HORMAD2: variants seen among roughly 807,000 people sequenced by gnomAD.
The protein encoded by HORMAD2 is HORMA domain-containing protein 2.
HORMAD2 carries 45 observed loss-of-function variants against 38.8 expected under a neutral mutation model. The ratio of observed to expected loss-of-function variants is 1.16; its 90% CI spans 0.91 to 1.49. The LOEUF is 1.49. Among genes scored for constraint, HORMAD2 ranks in the 40% most tolerant of loss-of-function variants. The pLI is 0.00. For missense variants in HORMAD2, 338 were observed against 367.0 expected (o/e 0.92, Z 0.65); for synonymous variants, 126 against 122.8 (o/e 1.03, Z -0.17).
chr22:30,118,263 G>T (rs915492065), intron 7 of HORMAD2, among the ~76,000 whole-genome samples: 5 of 151,954 alleles, frequency 3.3e-5, no homozygotes, highest in African/African-American at 1.2e-4. Context: ...TCCAGCCACT[G>T]GGCCTCCTCT....
At chr22:30,078,868 A>C (rs1363570333), upstream of HORMAD2, among the ~76,000 whole-genome samples, 1 of 152,036 alleles carries the variant, frequency 6.6e-6, no homozygotes, top group Non-Finnish European at 1.5e-5. Context: ...TGGTGCAGAC[A>C]AACCATCTGT....
intron 10 of HORMAD2, among the ~76,000 whole-genome samples, chr22:30,130,244 TATAAC>T (rs1172883060): frequency 6.6e-6 from 1 of 152,130 alleles, no homozygotes; most frequent in Admixed American, 6.5e-5. Flanking sequence ...GAAAGGCAAA[TATAAC>T]AGAGTTTCTA....
At chr22:30,180,929 CTCCT>C (rs1926681041), downstream of HORMAD2, among the ~76,000 whole-genome samples, 1 of 21,866 alleles carries the variant, frequency 4.6e-5, no homozygotes, top group Non-Finnish European at 1.3e-4. Flanking sequence ...TCCCTCTCCT[CTCCT>C]CTCCTCTCCT....
the HORMAD2 span, among the ~76,000 whole-genome samples, chr22:30,187,528 T>C: frequency 3.9e-5 from 6 of 152,042 alleles, no homozygotes; most frequent in African/African-American, 9.7e-5. Flanking sequence ...TGTGTGTGTG[T>C]GTGTGTATTT....
chr22:30,123,700 G>A (rs1922623255), intron 10 of HORMAD2, among the ~76,000 whole-genome samples: 3 of 151,246 alleles, frequency 2.0e-5, no homozygotes, highest in Admixed American at 1.3e-4. Flanking sequence ...GTCTTGCTCT[G>A]TTGTCCAGGC....
At chr22:30,140,813 C>A (rs1043996619) in intron 10 of HORMAD2, among the ~76,000 whole-genome samples, 3 of 152,116 alleles carry the variant, frequency 2.0e-5, no homozygotes, top group African/African-American at 7.2e-5. Context: ...CCTTCCTGTG[C>A]TTGCTTTAGG....
At chr22:30,146,306 C>T (rs1174942026) in intron 10 of HORMAD2, among the ~76,000 whole-genome samples, 2 of 152,020 alleles carry the variant, frequency 1.3e-5, no homozygotes, top group Non-Finnish European at 2.9e-5. Context: ...TCCTGTCCAA[C>T]ATGGTGAAAC....
chr22:30,185,622 A>G, the HORMAD2 span, among the ~76,000 whole-genome samples: 1 of 152,244 alleles, frequency 6.6e-6, no homozygotes, highest in African/African-American at 2.4e-5. Flanking sequence ...GCTAAAAGTC[A>G]TTAGTCTAAC....
At chr22:30,135,320 C>A (rs1208963963) in intron 10 of HORMAD2, among the ~76,000 whole-genome samples, 2 of 151,758 alleles carry the variant, frequency 1.3e-5, no homozygotes, top group African/African-American at 4.8e-5. Flanking sequence ...GGATCCTTGA[C>A]AGAAGAAAAG....
chr22:30,111,224 G>T (rs1601528886), intron 5 of HORMAD2, among the ~76,000 whole-genome samples: 1 of 151,846 alleles, frequency 6.6e-6, no homozygotes, highest in East Asian at 1.9e-4. Flanking sequence ...AGTGGCTCAT[G>T]CCTGTAATTC....
downstream of HORMAD2, among the ~76,000 whole-genome samples, chr22:30,177,303 C>T (rs765525841): frequency 2.4e-4 from 37 of 152,176 alleles, no homozygotes; most frequent in South Asian, 1.4e-3. Context: ...GAACCAATGA[C>T]CTCTGACCCA....
At chr22:30,088,298 CACATATAT>C (rs2068622689) in intron 1 of HORMAD2, among the ~76,000 whole-genome samples, 1 of 150,470 alleles carries the variant, frequency 6.6e-6, no homozygotes, top group Non-Finnish European at 1.5e-5. Context: ...CATATATATA[CACATATAT>C]ACATATATGT....
At position 30,121,661 on chromosome 22, in the gene HORMAD2, G is replaced by T; in HGVS notation, c.440G>T (p.Gly147Val). The T allele has an allele frequency of 6.2e-7, 1 of 1,601,176 alleles. No individual in the cohort carries two copies. Among genetic ancestry groups the T allele is most frequent in the South Asian group, 1.1e-5 (1 of 88,850 alleles). The change falls in exon 9 of 11, where the codon GGA becomes GTA. Residue 147 changes from glycine (G) to valine (V), a missense_variant. Physicochemically the swap from Gly to Val is moderately radical, Grantham distance 109. Coordinates refer to ENST00000336726, the MANE Select transcript of HORMAD2 (RefSeq NM_152510.4). ...SHSSSTSFESGTNNEDIKKAS... is the reference protein window; with the variant it reads ...SHSSSTSFESVTNNEDIKKAS... The stretch of plus-strand genomic sequence containing the variant: ...AGCAGCAGTACAAGCTTTGAAAGTG[G>T]AACAAACAATGAAGATATTAAGAAA...
At chr22:30,161,476 C>A (rs1925438439) in intron 10 of HORMAD2, among the ~76,000 whole-genome samples, 1 of 152,146 alleles carries the variant, frequency 6.6e-6, no homozygotes, top group African/African-American at 2.4e-5. Context: ...CATGTCATTG[C>A]CTGTAAATTT....
At chr22:30,085,566 C>A (rs1045062378) in intron 1 of HORMAD2, among the ~76,000 whole-genome samples, 2 of 152,094 alleles carry the variant, frequency 1.3e-5, no homozygotes, top group African/African-American at 4.8e-5. Context: ...CCAGCCTGGC[C>A]AACATGGCTA....
chr22:30,094,438 G>A (rs1232014144), intron 2 of HORMAD2, among the ~76,000 whole-genome samples: 1 of 152,130 alleles, frequency 6.6e-6, no homozygotes, highest in Non-Finnish European at 1.5e-5. Flanking sequence ...CAGGCATATA[G>A]TTTAGTTTGT....
the HORMAD2 span, chr22:30,207,301 C>T: frequency 3.4e-6 from 1 of 297,518 alleles, no homozygotes; most frequent in Non-Finnish European, 6.9e-6. Context: ...CCCTCCCACA[C>T]ATGTCCGCAT....
chr22:30,117,865 C>CTAGAAAA (rs1922162563), intron 7 of HORMAD2, among the ~76,000 whole-genome samples: 6 of 152,050 alleles, frequency 3.9e-5, no homozygotes, highest in Non-Finnish European at 5.9e-5. Context: ...GAAATTTGTC[C>CTAGAAAA]CTCTTTATTT....
intron 10 of HORMAD2, among the ~76,000 whole-genome samples, chr22:30,130,548 C>T (rs1410752619): frequency 6.6e-6 from 1 of 151,668 alleles, no homozygotes; most frequent in African/African-American, 2.4e-5. Flanking sequence ...AATCTGCCCC[C>T]CACACACTTT....
Sources: allele counts gnomAD v4.1 joint callset (sites outside exome capture counted in the v4.1 genomes callset), GRCh38; gene constraint gnomAD v4.1.1; transcripts MANE v1.5; gene names NCBI Gene and HGNC (gene_info 2026-07-23, HGNC 2026-07-21).